The following PCDH15 variants were observed in gnomAD, a reference collection of about 807,000 sequenced individuals.
PCDH15 encodes the protein protocadherin related 15, also known as protocadherin-15.
A neutral mutation model predicts 178.5 loss-of-function variants in PCDH15; 129 were observed. The observed-to-expected ratio is 0.72, with a 90% CI of 0.63 to 0.84. The LOEUF (loss-of-function observed/expected upper bound fraction) is 0.84, where lower values mean the gene tolerates loss of function less well. Ranked by LOEUF, PCDH15 falls within the 40% of genes least tolerant of loss-of-function variation. The pLI, the probability that PCDH15 is intolerant of heterozygous loss-of-function variation, is 0.00. For missense variants in PCDH15, 2,230 were observed against 2,099.9 expected, an observed-to-expected ratio of 1.06 and a Z score of -1.21; for synonymous variants, 800 against 732.0, an observed-to-expected ratio of 1.09 and a Z score of -1.50.
At position 55,209,321 on chromosome 10, in the gene PCDH15, ACAT is replaced by A. The variant is rs1021269447; in HGVS notation, c.-155-42673_-155-42671del. Among the ~76,000 whole-genome samples the A allele has an allele frequency of 4.6e-5, 7 of 152,298 alleles. 1 individual carries two copies. Among genetic ancestry groups the A allele is most frequent in the African/African-American group, 1.7e-4 (7 of 41,538 alleles). On this transcript the variant is annotated intron_variant, in intron 1 of 5. Coordinates refer to the PCDH15 transcript ENST00000458638. ...CTTTTATTCTAAGAGCAATGAAAAG[ACAT>A]CAGATGATTCTGAAGAGAGAGATGA...
At chr10:55,439,199 A>C (rs1839120647) in intron 2 of PCDH15, among the ~76,000 whole-genome samples, 1 of 151,964 alleles carries the variant, frequency 6.6e-6, no homozygotes, top group Non-Finnish European at 1.5e-5. Context: ...AGGACCTCCA[A>C]GTAAAACAGA....
chr10:54,844,630 T>C (rs1953473837), intron 3 of PCDH15, among the ~76,000 whole-genome samples: 1 of 151,988 alleles, frequency 6.6e-6, no homozygotes, highest in South Asian at 2.1e-4. Flanking sequence ...TTTGCTTTTT[T>C]TTTGAATATT....
intron 2 of PCDH15, among the ~76,000 whole-genome samples, chr10:55,422,481 C>G (rs1245244882): frequency 6.6e-6 from 1 of 151,756 alleles, no homozygotes; most frequent in African/African-American, 2.4e-5. Context: ...CCAAGGATGA[C>G]AAAGTAGGCA....
At chr10:53,999,679 C>T (rs1241094386) in intron 20 of PCDH15, among the ~76,000 whole-genome samples, 1 of 152,042 alleles carries the variant, frequency 6.6e-6, no homozygotes, top group African/African-American at 2.4e-5. Flanking sequence ...AGGTTGAGTG[C>T]CTGCTCAGCC....
intron 2 of PCDH15, among the ~76,000 whole-genome samples, chr10:55,390,809 G>C (rs1837774917): frequency 6.6e-6 from 1 of 152,166 alleles, no homozygotes; most frequent in Non-Finnish European, 1.5e-5. Context: ...ATGAGCAGTA[G>C]TAATATTTCA....
At chr10:54,235,766 C>G (rs1203715771) in intron 9 of PCDH15, among the ~76,000 whole-genome samples, 1 of 152,134 alleles carries the variant, frequency 6.6e-6, no homozygotes, top group Non-Finnish European at 1.5e-5. Context: ...GAGTGATTGA[C>G]ATACAGTCAA....
intron 2 of PCDH15, among the ~76,000 whole-genome samples, chr10:54,663,161 T>A (rs58016739): frequency 6.6e-6 from 1 of 151,848 alleles, no homozygotes; most frequent in African/African-American, 2.4e-5. Context: ...AACTTGAACA[T>A]TGTTTGTGAA....
chr10:53,976,917 C>G (rs2090231411), intron 21 of PCDH15, among the ~76,000 whole-genome samples: 1 of 151,346 alleles, frequency 6.6e-6, no homozygotes, highest in Non-Finnish European at 1.5e-5. Context: ...TATCAAGGAA[C>G]TGAAACTTAC....
chr10:54,644,869 A>G (rs1223013268), intron 2 of PCDH15, among the ~76,000 whole-genome samples: 1 of 152,096 alleles, frequency 6.6e-6, no homozygotes, highest in African/African-American at 2.4e-5. Flanking sequence ...GGAACTAACT[A>G]GGCCCTTTTG....
chr10:55,126,402 G>C (rs1837901550), intron 2 of PCDH15, among the ~76,000 whole-genome samples: 1 of 152,068 alleles, frequency 6.6e-6, no homozygotes, highest in Admixed American at 6.6e-5. Flanking sequence ...GAATCCAACT[G>C]TCTAAACAAT....
At chr10:55,133,930 T>C (rs1316388349) in intron 2 of PCDH15, among the ~76,000 whole-genome samples, 1 of 152,146 alleles carries the variant, frequency 6.6e-6, no homozygotes, top group Non-Finnish European at 1.5e-5. Flanking sequence ...CTAACATTAA[T>C]CTTTTATCCT....
intron 2 of PCDH15, among the ~76,000 whole-genome samples, chr10:55,051,255 G>A (rs1419641958): frequency 6.6e-6 from 1 of 152,022 alleles, no homozygotes; most frequent in Non-Finnish European, 1.5e-5. Flanking sequence ...TGCATTATGA[G>A]GCAAGTAATA....
chr10:55,604,370 G>A (rs1212906147), intron 2 of PCDH15, among the ~76,000 whole-genome samples: 1 of 151,090 alleles, frequency 6.6e-6, no homozygotes, highest in Admixed American at 6.6e-5. Context: ...CCCAGGAATT[G>A]AACTCAGCTC....
chr10:54,141,413 T>C (rs778440329), intron 14 of PCDH15, among the ~76,000 whole-genome samples: 5 of 152,160 alleles, frequency 3.3e-5, no homozygotes, highest in Non-Finnish European at 7.4e-5. Flanking sequence ...TAGTACATTA[T>C]ATATTTTGTA....
chr10:53,872,879 G>T (rs2079970426), intron 26 of PCDH15, among the ~76,000 whole-genome samples: 1 of 152,080 alleles, frequency 6.6e-6, no homozygotes, highest in Non-Finnish European at 1.5e-5. Flanking sequence ...ACCTATATCT[G>T]TACTTACTTT....
intron 1 of PCDH15, among the ~76,000 whole-genome samples, chr10:54,796,511 T>C (rs986467512): frequency 1.3e-5 from 2 of 151,766 alleles, no homozygotes; most frequent in African/African-American, 2.4e-5. Context: ...ATTTCTGTCT[T>C]TCTTGACCCT....
chr10:54,369,358 A>G, intron 4 of PCDH15, 83 bp from the exon 5 acceptor site: 1 of 1,214,510 alleles, frequency 8.2e-7, no homozygotes, highest in Non-Finnish European at 1.2e-6. Context: ...TTCATTCAGT[A>G]CATTTTTCTA....
At chr10:54,370,134 A>G (rs982446561) in intron 4 of PCDH15, among the ~76,000 whole-genome samples, 1 of 152,008 alleles carries the variant, frequency 6.6e-6, no homozygotes, top group Non-Finnish European at 1.5e-5. Context: ...CTCAAGTGCC[A>G]TGGCTAACAG....
chr10:55,465,846 A>C (rs923168931), intron 2 of PCDH15, among the ~76,000 whole-genome samples: 2 of 152,214 alleles, frequency 1.3e-5, no homozygotes, highest in African/African-American at 4.8e-5. Flanking sequence ...ACGATGTAAA[A>C]TCCATGCTAT....
Sources: gnomAD v4.1 joint callset for allele counts (sites outside exome capture counted in the v4.1 genomes callset) on GRCh38, gnomAD v4.1.1 for gene constraint, MANE v1.5 for transcripts, NCBI Gene and HGNC (gene_info 2026-07-23, HGNC 2026-07-21) for gene names.